Variants in VPS13B observed in about 807,000 individuals in gnomAD.
VPS13B encodes intermembrane lipid transfer protein VPS13B.
A neutral mutation model predicts 426.4 loss-of-function variants in VPS13B; 285 were observed. The observed-to-expected ratio is 0.67, with a 90% CI of 0.61 to 0.74. The LOEUF (loss-of-function observed/expected upper bound fraction) is 0.74, where lower values mean the gene tolerates loss of function less well. Among genes scored for constraint, VPS13B ranks in the 30% least tolerant of loss-of-function variants. The pLI is 0.00. For missense variants in VPS13B, 4,537 were observed against 4,782.6 expected (o/e 0.95, Z 1.51); for synonymous variants, 1,676 against 1,676.4 (o/e 1.00, Z 0.01).
intron 19 of VPS13B, among the ~76,000 whole-genome samples, chr8:99,332,893 G>C (rs188077983): frequency 1.3e-3 from 204 of 151,494 alleles, no homozygotes; most frequent in African/African-American, 4.8e-3. Context: ...TTTATAGCAG[G>C]GTGGTCAAAT....
intron 14 of VPS13B, among the ~76,000 whole-genome samples, chr8:99,150,857 T>C (rs1811038843): frequency 6.6e-6 from 1 of 152,138 alleles, no homozygotes; most frequent in African/African-American, 2.4e-5. Context: ...CACGTGCACG[T>C]TTTGGTGTGG....
At chr8:99,487,700 T>G (rs925194785) in intron 25 of VPS13B, among the ~76,000 whole-genome samples, 1 of 152,192 alleles carries the variant, frequency 6.6e-6, no homozygotes, top group South Asian at 2.1e-4. Flanking sequence ...TCGTATGGTA[T>G]TTGTCCTTTT....
chr8:99,105,115 G>A (rs1161151427), intron 5 of VPS13B, among the ~76,000 whole-genome samples: 1 of 152,168 alleles, frequency 6.6e-6, no homozygotes, highest in Non-Finnish European at 1.5e-5. Context: ...TTATTATTAT[G>A]TGTTTTCTAA....
chr8:99,380,986 T>A (rs1269427985), intron 19 of VPS13B, among the ~76,000 whole-genome samples: 1 of 151,958 alleles, frequency 6.6e-6, no homozygotes, highest in Non-Finnish European at 1.5e-5. Context: ...GCAGATTATA[T>A]TACCACCCAG....
At chr8:99,507,958 A>T in intron 28 of VPS13B, 1 of 1,613,232 alleles carries the variant, frequency 6.2e-7, no homozygotes, top group Non-Finnish European at 8.5e-7. Flanking sequence ...ATTAACAGGA[A>T]CCCAGAGAAG....
chr8:99,349,441 C>G (rs931498491), intron 19 of VPS13B, among the ~76,000 whole-genome samples: 7 of 151,066 alleles, frequency 4.6e-5, no homozygotes, highest in Non-Finnish European at 1.5e-5. Context: ...CACAAATGTA[C>G]CAAAAACTAA....
chr8:99,700,016 A>G, intron 36 of VPS13B, 84 bp downstream of exon 36: 3 of 1,515,116 alleles, frequency 2.0e-6, no homozygotes, highest in Non-Finnish European at 2.7e-6. Context: ...TTGAAGATTT[A>G]TATTATGTAG....
intron 19 of VPS13B, among the ~76,000 whole-genome samples, chr8:99,327,093 TTTAATC>T (rs1810316673): frequency 6.6e-6 from 1 of 152,206 alleles, no homozygotes; most frequent in Non-Finnish European, 1.5e-5. Flanking sequence ...AGTTTTTTTC[TTTAATC>T]TTAAACAAAG....
chr8:99,093,136 TAAATC>T (rs1175314676), intron 3 of VPS13B, among the ~76,000 whole-genome samples: 2 of 151,960 alleles, frequency 1.3e-5, no homozygotes, highest in Non-Finnish European at 2.9e-5. Flanking sequence ...GAGAGATAAT[TAAATC>T]AATCAAATAC....
intron 33 of VPS13B, among the ~76,000 whole-genome samples, chr8:99,580,623 G>A (rs1392425821): frequency 1.3e-5 from 2 of 152,016 alleles, no homozygotes; most frequent in African/African-American, 4.8e-5. Flanking sequence ...GCTGAGGTGG[G>A]CGGATTGCTT....
intron 24 of VPS13B, among the ~76,000 whole-genome samples, chr8:99,468,210 T>C (rs1819215515): frequency 6.6e-6 from 1 of 152,152 alleles, no homozygotes; most frequent in Non-Finnish European, 1.5e-5. Flanking sequence ...AGTGTTCTCA[T>C]TGTTCAATTC....
At chr8:99,736,271 G>C (rs1304220353) in intron 39 of VPS13B, among the ~76,000 whole-genome samples, 2 of 152,136 alleles carry the variant, frequency 1.3e-5, no homozygotes, top group African/African-American at 2.4e-5. Context: ...GGAGAAATTA[G>C]AGGTAAAAAT....
At chr8:99,650,720 C>A (rs1829779177) in intron 34 of VPS13B, among the ~76,000 whole-genome samples, 1 of 152,166 alleles carries the variant, frequency 6.6e-6, no homozygotes, top group Non-Finnish European at 1.5e-5. Flanking sequence ...CTCTCTTTCT[C>A]TCTCAAAATA....
intron 19 of VPS13B, among the ~76,000 whole-genome samples, chr8:99,281,121 T>G (rs1819147685): frequency 6.6e-6 from 1 of 152,172 alleles, no homozygotes; most frequent in Non-Finnish European, 1.5e-5. Context: ...TAGATTGTCA[T>G]AAGGAATGTG....
chr8:99,785,480 T>C (rs1342527976), intron 43 of VPS13B, among the ~76,000 whole-genome samples: 1 of 152,190 alleles, frequency 6.6e-6, no homozygotes, highest in East Asian at 1.9e-4. Context: ...TTTAAATATA[T>C]TTAGTTCACA....
intron 5 of VPS13B, among the ~76,000 whole-genome samples, chr8:99,106,136 A>G (rs1024359253): frequency 2.0e-5 from 3 of 152,234 alleles, no homozygotes; most frequent in Non-Finnish European, 2.9e-5. Context: ...AGCATTAAGC[A>G]AAAACACATA....
chr8:99,092,991 G>A (rs566547707), intron 3 of VPS13B, among the ~76,000 whole-genome samples: 1 of 147,786 alleles, frequency 6.8e-6, no homozygotes, highest in East Asian at 2.0e-4. Flanking sequence ...TATACATTTT[G>A]TATACTTTGG....
rs571745560 is a variant in VPS13B, at chr8:99,862,101, C to T, written c.11215+155C>T. The stretch of plus-strand genomic sequence containing the variant: ...CTCTGAGTTCTACAGTGCGTCCCGC[C>T]GGGGGCTCACCTGCACAGCCGCACA... On this transcript the variant is annotated intron_variant, in intron 58 of 61. Coordinates refer to ENST00000357162, the MANE Select transcript of VPS13B (RefSeq NM_152564.5). Among the ~76,000 whole-genome samples, 16 of 152,338 alleles carry T rather than the reference C, an allele frequency of 1.1e-4. No individual in the cohort carries two copies. In the East Asian group the frequency reaches 2.1e-3, roughly 20 times the overall value.
intron 19 of VPS13B, among the ~76,000 whole-genome samples, chr8:99,331,160 C>A (rs1368626244): frequency 6.6e-6 from 1 of 151,770 alleles, no homozygotes; most frequent in Non-Finnish European, 1.5e-5. Context: ...AGAATGAGAC[C>A]TATAGAAGAA....
Sources: gnomAD v4.1 joint callset for allele counts (sites outside exome capture counted in the v4.1 genomes callset) on GRCh38, gnomAD v4.1.1 for gene constraint, MANE v1.5 for transcripts, NCBI Gene and HGNC (gene_info 2026-07-23, HGNC 2026-07-21) for gene names.